The following PHF2 variants were observed in gnomAD, a reference collection of about 807,000 sequenced individuals.
PHF2 encodes lysine-specific demethylase PHF2.
A neutral mutation model predicts 120.5 loss-of-function variants in PHF2; 27 were observed. The observed-to-expected ratio is 0.22, with a 90% CI of 0.17 to 0.31. The LOEUF (loss-of-function observed/expected upper bound fraction) is 0.31, where lower values mean the gene tolerates loss of function less well. Ranked by LOEUF, PHF2 falls within the 10% of genes least tolerant of loss-of-function variation. The pLI, the probability that PHF2 is intolerant of heterozygous loss-of-function variation, is 1.00. For synonymous variants in PHF2, 568 were observed against 592.5 expected (o/e 0.96, Z 0.60); for missense variants, 1,024 against 1,434.8 (o/e 0.71, Z 4.63).
At chr9:93,583,053 G>A (rs79554354) in intron 1 of PHF2, among the ~76,000 whole-genome samples, 1 of 152,148 alleles carries the variant, frequency 6.6e-6, no homozygotes, top group African/African-American at 2.4e-5. Flanking sequence ...CCAATAAGTA[G>A]TCACTGCCCT....
chr9:93,579,225 G>A (rs978448495), intron 1 of PHF2, among the ~76,000 whole-genome samples: 2 of 152,124 alleles, frequency 1.3e-5, no homozygotes, highest in Admixed American at 6.5e-5. Flanking sequence ...GTATGGCCCC[G>A]GTGGTTCTTT....
At chr9:93,597,630 G>A (rs1009610378) in intron 1 of PHF2, among the ~76,000 whole-genome samples, 1 of 152,158 alleles carries the variant, frequency 6.6e-6, no homozygotes, top group African/African-American at 2.4e-5. Context: ...TACAGGTATG[G>A]TTGAGTGTTT....
At chr9:93,632,524 T>C (rs1437905628) in intron 2 of PHF2, among the ~76,000 whole-genome samples, 1 of 152,158 alleles carries the variant, frequency 6.6e-6, no homozygotes, top group Non-Finnish European at 1.5e-5. Flanking sequence ...TGATTCAGTG[T>C]GTGGTGAGGG....
chr9:93,662,912 A>G lies in PHF2; in HGVS notation c.1704A>G (p.Thr568=), dbSNP rs1375368840. 2 of 1,613,916 alleles carry G rather than the reference A, an allele frequency of 1.2e-6. No individual in the cohort carries two copies. The highest frequency in any genetic ancestry group is 1.7e-5 in the Admixed American group (1 of 59,996). Residue 568 remains threonine (T), a synonymous_variant, in exon 13 of 22, where the codon ACA becomes ACG. Coordinates refer to ENST00000359246, the MANE Select transcript of PHF2 (RefSeq NM_005392.4). ...ACAGCAGCCCTTTTTTCTAGGCCACAAAGAGTGTCCTGAGTGTGCCCAACA... is the reference window on the plus strand; with the variant it reads ...ACAGCAGCCCTTTTTTCTAGGCCACGAAGAGTGTCCTGAGTGTGCCCAACA... ...KMEPPKKGKA[T]KSVLSVPNKD...
At chr9:93,590,728 G>A (rs1172361036) in intron 1 of PHF2, among the ~76,000 whole-genome samples, 1 of 152,236 alleles carries the variant, frequency 6.6e-6, no homozygotes, top group East Asian at 1.9e-4. Flanking sequence ...GGAGGCTGCA[G>A]GCTTGCTGGG....
At chr9:93,595,968 T>C (rs1825323171) in intron 1 of PHF2, among the ~76,000 whole-genome samples, 3 of 152,238 alleles carry the variant, frequency 2.0e-5, no homozygotes, top group Admixed American at 6.5e-5. Flanking sequence ...TGAATTCTTA[T>C]GTCTGTGGCC....
chr9:93,629,840 T>C, intron 1 of PHF2, 130 bp from the exon 2 acceptor site: 1 of 833,938 alleles, frequency 1.2e-6, no homozygotes, highest in South Asian at 1.5e-5. Context: ...ACACTGTCCC[T>C]GCACAGCTGT....
At chr9:93,665,639 G>T in intron 14 of PHF2, 47 bp from the exon 15 acceptor site, 1 of 1,594,698 alleles carries the variant, frequency 6.3e-7, no homozygotes. Context: ...CTGTCCGCTG[G>T]CTGTGGGGCT....
At position 93,656,579 on chromosome 9, in the gene PHF2, G is replaced by A; in HGVS notation, c.1131G>A (p.Leu377=). The A allele has an allele frequency of 6.2e-7, 1 of 1,612,972 alleles. No individual in the cohort carries two copies. The highest frequency in any genetic ancestry group is 8.5e-7 in the Non-Finnish European group (1 of 1,179,152). ...ETACWYMGKH[L]LEAFKGSHKS... The stretch of plus-strand genomic sequence containing the variant: ...CGTGCTGGTACATGGGGAAGCACCT[G>A]CTGGAGGCATTCAAAGGTACTGGTC... Residue 377 remains leucine (L), a synonymous_variant, in exon 9 of 22, where the codon CTG becomes CTA. Transcript: ENST00000359246. This position sits in a 1 kb window ranked among gnomAD's most constrained non-coding sequence, Gnocchi z 4.1.
intron 10 of PHF2, 76 bp downstream of exon 10, chr9:93,658,312 C>A: frequency 9.1e-7 from 1 of 1,093,990 alleles, no homozygotes. Context: ...GACCCAGCAG[C>A]AATGTCCAGG....
intron 1 of PHF2, among the ~76,000 whole-genome samples, chr9:93,619,655 A>G (rs1439755266): frequency 6.6e-6 from 1 of 151,162 alleles, no homozygotes; most frequent in Non-Finnish European, 1.5e-5. Flanking sequence ...CGTGCTCCAT[A>G]CCTGCTGGTG....
At chr9:93,603,362 C>T (rs1252023054) in intron 1 of PHF2, among the ~76,000 whole-genome samples, 3 of 152,100 alleles carry the variant, frequency 2.0e-5, no homozygotes, top group Admixed American at 6.6e-5. Flanking sequence ...GCATTTCCGG[C>T]GACAGAGTTT....
chr9:93,582,082 C>T (rs1184979403), intron 1 of PHF2, among the ~76,000 whole-genome samples: 1 of 152,164 alleles, frequency 6.6e-6, no homozygotes, highest in African/African-American at 2.4e-5. Context: ...CCCACGTCGA[C>T]TGCGAGGGGC....
intron 1 of PHF2, among the ~76,000 whole-genome samples, chr9:93,604,328 C>G (rs1375233161): frequency 6.8e-6 from 1 of 146,442 alleles, no homozygotes; most frequent in African/African-American, 2.5e-5. Context: ...TTAAATTTAG[C>G]GAGACTTCTT....
intron 1 of PHF2, among the ~76,000 whole-genome samples, chr9:93,599,689 A>C (rs1352416202): frequency 6.6e-6 from 1 of 152,216 alleles, no homozygotes; most frequent in Non-Finnish European, 1.5e-5. Context: ...AAACCATAAC[A>C]TGCCACCACG....
chr9:93,634,692 G>T (rs1035264866), intron 2 of PHF2, among the ~76,000 whole-genome samples: 7 of 152,234 alleles, frequency 4.6e-5, no homozygotes, highest in Admixed American at 1.3e-4. Context: ...CTGAAGCTGA[G>T]CAGCCAGTGT....
intron 3 of PHF2, among the ~76,000 whole-genome samples, chr9:93,643,192 A>C (rs1212598322): frequency 5.3e-5 from 8 of 151,974 alleles, no homozygotes; most frequent in Admixed American, 5.2e-4. Context: ...GTCCACCTAC[A>C]AGACGGTTTG....
intron 2 of PHF2, among the ~76,000 whole-genome samples, chr9:93,632,816 T>C (rs558507639): frequency 4.8e-4 from 73 of 152,360 alleles, no homozygotes; most frequent in Admixed American, 1.2e-3. Flanking sequence ...ATAAATTCTC[T>C]GAAGCAGATT....
intron 1 of PHF2, among the ~76,000 whole-genome samples, chr9:93,600,694 C>A (rs1458112199): frequency 6.6e-6 from 1 of 152,226 alleles, no homozygotes; most frequent in African/African-American, 2.4e-5. Flanking sequence ...AGGCTCCATG[C>A]TGTGGCAGGA....
Sources: allele counts gnomAD v4.1 joint callset (sites outside exome capture counted in the v4.1 genomes callset), GRCh38; gene constraint gnomAD v4.1.1; non-coding constraint Gnocchi (gnomAD v3.1); transcripts MANE v1.5; gene names NCBI Gene and HGNC (gene_info 2026-07-23, HGNC 2026-07-21).